CSMD1: variants seen among roughly 807,000 people sequenced by gnomAD.
CSMD1 encodes CUB and sushi domain-containing protein 1.
CSMD1 carries 213 observed loss-of-function variants against 417.5 expected under a neutral mutation model. The observed-to-expected ratio is 0.51, with a 90% confidence interval of 0.46 to 0.57. The LOEUF (loss-of-function observed/expected upper bound fraction) is 0.57, where lower values mean the gene tolerates loss of function less well. Among genes scored for constraint, CSMD1 ranks in the 20% least tolerant of loss-of-function variants. The pLI, the probability that CSMD1 is intolerant of heterozygous loss-of-function variation, is 0.00. For synonymous variants in CSMD1, 2,862 were observed against 1,736.8 expected, an observed-to-expected ratio of 1.65 and a Z score of -16.11; for missense variants, 6,923 against 4,529.7, an observed-to-expected ratio of 1.53 and a Z score of -15.17.
chr8:3,254,271 TGG>T (rs1563190483), intron 26 of CSMD1, among the ~76,000 whole-genome samples: 4 of 152,220 alleles, frequency 2.6e-5, no homozygotes, highest in Non-Finnish European at 4.4e-5. Context: ...CTTCCCTTTG[TGG>T]GTAACCCGAC....
At chr8:4,865,196 C>T (rs1260306286) in intron 1 of CSMD1, among the ~76,000 whole-genome samples, 1 of 151,734 alleles carries the variant, frequency 6.6e-6, no homozygotes, top group East Asian at 1.9e-4. Context: ...ATATCATTCT[C>T]ATGCATAATG....
intron 7 of CSMD1, among the ~76,000 whole-genome samples, chr8:3,661,680 A>C (rs887432076): frequency 1.3e-5 from 2 of 152,086 alleles, no homozygotes; most frequent in African/African-American, 4.8e-5. Context: ...TATTTTTAGT[A>C]GAGACGGGAT....
At chr8:3,912,877 G>T (rs929833193) in intron 5 of CSMD1, among the ~76,000 whole-genome samples, 1 of 152,188 alleles carries the variant, frequency 6.6e-6, no homozygotes, top group Non-Finnish European at 1.5e-5. Context: ...TGATGGTGAT[G>T]TAAGAGTGAA....
chr8:4,316,089 A>G (rs1798911210), intron 3 of CSMD1, among the ~76,000 whole-genome samples: 1 of 152,216 alleles, frequency 6.6e-6, no homozygotes, highest in African/African-American at 2.4e-5. Flanking sequence ...ATGGGTTATT[A>G]AAAGCCAACC....
intron 2 of CSMD1, among the ~76,000 whole-genome samples, chr8:4,448,688 C>T (rs1014363540): frequency 1.3e-5 from 2 of 152,146 alleles, no homozygotes; most frequent in African/African-American, 4.8e-5. Context: ...TAGGAAAGGT[C>T]ATATATCTTT....
chr8:3,159,116 G>A (rs964055241), intron 38 of CSMD1, among the ~76,000 whole-genome samples: 2 of 151,948 alleles, frequency 1.3e-5, no homozygotes, highest in Non-Finnish European at 1.5e-5. Flanking sequence ...CCCATTCTTC[G>A]ACGCATTAAA....
chr8:3,905,915 G>C (rs1450473513), intron 5 of CSMD1, among the ~76,000 whole-genome samples: 1 of 152,184 alleles, frequency 6.6e-6, no homozygotes, highest in Non-Finnish European at 1.5e-5. Context: ...TTTGCAATGG[G>C]CCAATTTATA....
intron 18 of CSMD1, among the ~76,000 whole-genome samples, chr8:3,387,225 A>T (rs1265685086): frequency 6.6e-6 from 1 of 152,198 alleles, no homozygotes; most frequent in Admixed American, 6.5e-5. Context: ...TAAATACCAT[A>T]TGTAAAACAC....
At chr8:4,009,153 A>C (rs1190731623) in intron 4 of CSMD1, among the ~76,000 whole-genome samples, 3 of 152,218 alleles carry the variant, frequency 2.0e-5, no homozygotes, top group Non-Finnish European at 4.4e-5. Flanking sequence ...AAGGCATTTA[A>C]GGAAAGATGC....
intron 11 of CSMD1, among the ~76,000 whole-genome samples, chr8:3,491,691 T>C (rs935728121): frequency 3.3e-5 from 5 of 152,186 alleles, no homozygotes; most frequent in Non-Finnish European, 5.9e-5. Flanking sequence ...TAGTGCTTTT[T>C]CAATGTGTGA....
At chr8:3,295,873 T>C (rs890199107) in intron 25 of CSMD1, among the ~76,000 whole-genome samples, 1 of 152,166 alleles carries the variant, frequency 6.6e-6, no homozygotes, top group African/African-American at 2.4e-5. Flanking sequence ...TTTGATTTAG[T>C]TCAATAATTC....
intron 2 of CSMD1, among the ~76,000 whole-genome samples, chr8:4,611,443 C>G (rs1301306685): frequency 6.6e-6 from 1 of 152,176 alleles, no homozygotes; most frequent in Admixed American, 6.5e-5. Context: ...ATAAACATTT[C>G]TCAGTGTGTA....
At chr8:3,234,005 C>A (rs539533562) in intron 26 of CSMD1, among the ~76,000 whole-genome samples, 2 of 152,254 alleles carry the variant, frequency 1.3e-5, no homozygotes, top group Admixed American at 1.3e-4. Flanking sequence ...GTGTATTCTC[C>A]CCACTCTGTG....
chr8:4,913,221 C>T (rs1349229619), intron 1 of CSMD1, among the ~76,000 whole-genome samples: 1 of 152,198 alleles, frequency 6.6e-6, no homozygotes, highest in African/African-American at 2.4e-5. Context: ...CTGTTAGGTA[C>T]ATCCCAAACT....
At chr8:4,154,500 G>A (rs1432088258) in intron 3 of CSMD1, among the ~76,000 whole-genome samples, 1 of 152,156 alleles carries the variant, frequency 6.6e-6, no homozygotes, top group Non-Finnish European at 1.5e-5. Context: ...GTTCAAAACT[G>A]TGTGCAGACA....
intron 3 of CSMD1, among the ~76,000 whole-genome samples, chr8:4,052,408 T>C (rs922788801): frequency 3.3e-5 from 5 of 152,330 alleles, no homozygotes; most frequent in African/African-American, 1.2e-4. Flanking sequence ...TTTCTCCAAG[T>C]TCCATATTGG....
Position 3,052,613 on chromosome 8 carries a change from G to A in CSMD1, c.7509C>T (p.Asn2503=), listed in dbSNP as rs560104234. 55 of 1,611,154 alleles carry A rather than the reference G, an allele frequency of 3.4e-5. No homozygotes were observed. In the East Asian group the frequency reaches 4.0e-4, roughly 12 times the overall value. Residue 2503 remains asparagine (N), a synonymous_variant, in exon 50 of 70, where the codon AAC becomes AAT. Transcript: ENST00000635120. ...VSCGIPESPG[N]GSFTGNEFTL... is the part of the protein sequence containing the mutation. ...TGAACTCGTTCCCGGTAAATGAACC[G>A]TTTCCTGGGGATTCTGGGATTCCAC...
intron 50 of CSMD1, among the ~76,000 whole-genome samples, chr8:3,034,070 A>T (rs554448710): frequency 1.1e-4 from 16 of 152,244 alleles, no homozygotes; most frequent in African/African-American, 3.1e-4. Context: ...GCTGCTGCCC[A>T]CATTGCTGGG....
At chr8:3,692,844 A>C (rs1800327699) in intron 7 of CSMD1, among the ~76,000 whole-genome samples, 1 of 152,196 alleles carries the variant, frequency 6.6e-6, no homozygotes, top group South Asian at 2.1e-4. Context: ...AGGCATTAGT[A>C]ATGTTTCTTT....
Sources: gnomAD v4.1 joint callset for allele counts (sites outside exome capture counted in the v4.1 genomes callset) on GRCh38, gnomAD v4.1.1 for gene constraint, MANE v1.5 for transcripts, NCBI Gene and HGNC (gene_info 2026-07-23, HGNC 2026-07-21) for gene names.